Variants in TSKS observed in about 807,000 individuals in gnomAD.
TSKS encodes testis-specific serine kinase substrate.
A neutral mutation model predicts 68.0 loss-of-function variants in TSKS; 27 were observed. The ratio of observed to expected loss-of-function variants is 0.40; its 90% confidence interval spans 0.29 to 0.55. The LOEUF (loss-of-function observed/expected upper bound fraction) is 0.55. TSKS is among the 20% of genes least tolerant of loss of function. The pLI is 0.53. For missense variants in TSKS, 806 were observed against 776.0 expected (o/e 1.04, Z -0.46); for synonymous variants, 331 against 340.4 (o/e 0.97, Z 0.30).
chr19:49,760,559 A>T (rs2123632821), intron 2 of TSKS, among the ~76,000 whole-genome samples: 1 of 149,886 alleles, frequency 6.7e-6, no homozygotes, highest in East Asian at 2.0e-4. Flanking sequence ...CTGGTCTCGA[A>T]CTCCTGACCT....
At position 49,762,065 on chromosome 19, in the gene TSKS, C is replaced by T. The variant is rs752601526; in HGVS notation, c.338G>A (p.Gly113Glu). 10 of 1,614,132 alleles carry T rather than the reference C, an allele frequency of 6.2e-6. No homozygotes were observed. The South Asian group carries it at 7.7e-5, about 12-fold the overall frequency. Residue 113 changes from glycine to glutamate, a missense_variant, in exon 2 of 11, where the codon GGG becomes GAG. By Grantham distance (98) the Gly-to-Glu change is moderately conservative. Coordinates refer to ENST00000246801, the MANE Select transcript of TSKS (RefSeq NM_021733.2). ...EDLSGQLTLA[G>E]PPASPTLPWD... ...GGGTAGGGTAGGGGAGGCAGGGGGCCCAGCCAGTGTGAGTTGGCCGCTGAG... is the reference window on the plus strand; with the variant it reads ...GGGTAGGGTAGGGGAGGCAGGGGGCTCAGCCAGTGTGAGTTGGCCGCTGAG...
Position 49,757,159 on chromosome 19 carries a change from C to T in TSKS, c.399+4845G>A, listed in dbSNP as rs533646084. Among the ~76,000 whole-genome samples, 7 of 152,314 alleles carry T rather than the reference C, an allele frequency of 4.6e-5. No homozygotes were observed. In the South Asian group the frequency reaches 8.3e-4, roughly 18 times the overall value. ...ATTTGCTCTCTCTTCATCTAGGGAA[C>T]GATAGCCTCAATGTCATAAGCAGCC... On this transcript the variant is annotated intron_variant, in intron 2 of 10. Transcript: ENST00000246801.
rs2084289185 is a variant in TSKS at position 49,745,369 on chromosome 19, C to G, written c.1020G>C (p.Arg340=). 1 of 1,582,972 alleles carries G rather than the reference C, an allele frequency of 6.3e-7. No individual in the cohort carries two copies. Among genetic ancestry groups the G allele is most frequent in the Non-Finnish European group, 8.6e-7 (1 of 1,168,832 alleles). The stretch of plus-strand genomic sequence containing the variant: ...GCACCGCCCCCTCCTCCTGATGCCA[C>G]CGGGCGGTCAGTGAGGACACCTCTC... ...LRREVSSLTA[R]WHQEEGAVQE... The change falls in exon 7 of 11, where the codon CGG becomes CGC. Residue 340 remains arginine (R), a synonymous_variant. Coordinates refer to ENST00000246801, the MANE Select transcript of TSKS (RefSeq NM_021733.2).
intron 6 of TSKS, among the ~76,000 whole-genome samples, chr19:49,746,185 A>C (rs913717992): frequency 9.2e-5 from 14 of 152,158 alleles, no homozygotes; most frequent in South Asian, 6.2e-4. Flanking sequence ...CCGCCTCAAA[A>C]AAAACAAAAC....
At chr19:49,743,292 T>C (rs2084267466) in intron 8 of TSKS, among the ~76,000 whole-genome samples, 2 of 151,626 alleles carry the variant, frequency 1.3e-5, no homozygotes, top group Non-Finnish European at 2.9e-5. Flanking sequence ...TTGGCCAGGC[T>C]GGTCTCAAAC....
Position 49,759,382 on chromosome 19 carries a change from T to C in TSKS, c.399+2622A>G, listed in dbSNP as rs569164931. Among the ~76,000 whole-genome samples the C allele has an allele frequency of 3.9e-3, 584 of 147,988 alleles. 4 individuals carry two copies. Among genetic ancestry groups the C allele is most frequent in the African/African-American group, 0.012 (498 of 39,868 alleles). On this transcript the variant is annotated intron_variant, in intron 2 of 10. Transcript: ENST00000246801. ...TACTCGGGAGGCTGAGGCAGAAGAA[T>C]GGCTTGAACCTGGGAGGTGGAGGTT...
chr19:49,740,681 C>G (rs1480265352), intron 9 of TSKS, among the ~76,000 whole-genome samples: 1 of 146,740 alleles, frequency 6.8e-6, no homozygotes, highest in African/African-American at 2.5e-5. Flanking sequence ...GTCAAGAGTT[C>G]GAGACCAGCC....
At chr19:49,744,515 T>C in intron 7 of TSKS, 111 bp from the exon 8 acceptor site, 1 of 1,105,380 alleles carries the variant, frequency 9.0e-7, no homozygotes, top group Non-Finnish European at 1.3e-6. Context: ...TCAGCAATTC[T>C]CCACCCTGCC....
intron 2 of TSKS, among the ~76,000 whole-genome samples, chr19:49,748,751 G>A (rs537778245): frequency 2.6e-3 from 393 of 152,226 alleles, no homozygotes; most frequent in Non-Finnish European, 4.8e-3. Flanking sequence ...AAGAAGGATG[G>A]ACTCAACCAA....
intron 2 of TSKS, 72 bp downstream of exon 2, chr19:49,761,932 C>T (rs976708343): frequency 3.3e-5 from 43 of 1,295,206 alleles, no homozygotes; most frequent in East Asian, 1.4e-4. Context: ...ACCCCACCCC[C>T]GTCCTAAGTA....
rs201791777 is a variant in TSKS at position 49,741,929 on chromosome 19, T to G, written c.1453A>C (p.Thr485Pro). 1.2e-6 allele frequency: 2 copies of G among 1,614,152 alleles called. No homozygotes were observed. The highest frequency in any genetic ancestry group is 4.5e-5 in the East Asian group (2 of 44,892). Residue 485 changes from threonine to proline, a missense_variant, in exon 9 of 11, where the codon ACT (threonine) becomes CCT (proline). Physicochemically the swap from Thr to Pro is conservative, Grantham distance 38. Transcript: ENST00000246801. ...LVDEVKQRGL[T>P]PACPSCQRLH... ...CTCTGACAGCTGGGACAGGCAGGAG[T>G]CAGGCCCCTCTGCTTCACCTCGTCC...
At position 49,744,320 on chromosome 19, in the gene TSKS, G is replaced by A. The variant is rs149069102; in HGVS notation, c.1272C>T (p.Phe424=). 12 of 1,613,912 alleles carry A rather than the reference G, an allele frequency of 7.4e-6. No homozygotes were observed. The highest frequency in any genetic ancestry group is 9.3e-6 in the Non-Finnish European group (11 of 1,180,026). The part of the protein sequence containing the change: ...LGPLKPILEE[F]GRQFQNSRRG... The stretch of plus-strand genomic sequence containing the variant: ...TTCGAGAGTTCTGAAATTGCCGCCC[G>A]AACTCCTCCAGAATGGGTTTCAGTG... Residue 424 remains phenylalanine, a synonymous_variant, in exon 8 of 11, where the codon TTC becomes TTT. Transcript: ENST00000246801.
intron 2 of TSKS, among the ~76,000 whole-genome samples, chr19:49,761,129 G>A (rs914532716): frequency 6.6e-6 from 1 of 151,988 alleles, no homozygotes; most frequent in African/African-American, 2.4e-5. Context: ...AAAAATAAAG[G>A]AACGAATGTA....
chr19:49,748,509 G>T, intron 2 of TSKS, 40 bp from the exon 3 acceptor site: 1 of 1,585,084 alleles, frequency 6.3e-7, no homozygotes, highest in Non-Finnish European at 8.6e-7. Context: ...GTGGGTATGT[G>T]GGGGCAAGCC....
Position 49,744,234 on chromosome 19 carries a change from G to C in TSKS, c.1358C>G (p.Ala453Gly), listed in dbSNP as rs775704032. The change falls in exon 8 of 11, where the codon GCC becomes GGC. Residue 453 changes from alanine to glycine, a missense_variant. Physicochemically the swap from Ala to Gly is moderately conservative, Grantham distance 60 (BLOSUM62 0). Transcript: ENST00000246801. ...GAGGCAAGCCCAGCCCCGTTACCTG[G>C]CACAGCGGGCACAGTTGCCTTGGTG... ...RSHQGNCARC[A>G]SQGSQLSTES... is the part of the protein sequence containing the mutation. 3 of 1,610,916 alleles carry C rather than the reference G, an allele frequency of 1.9e-6. No homozygotes were observed. The Admixed American group carries it at 5.0e-5, about 27-fold the overall frequency.
At chr19:49,747,200 A>G in intron 5 of TSKS, 189 bp downstream of exon 5, 1 of 1,537,104 alleles carries the variant, frequency 6.5e-7, no homozygotes, top group Non-Finnish European at 8.7e-7. Flanking sequence ...GCAGGGCAAG[A>G]GTCCCCCATC....
chr19:49,747,262 A>C (rs974364519), intron 5 of TSKS, 127 bp downstream of exon 5: 1 of 1,578,186 alleles, frequency 6.3e-7, no homozygotes, highest in Non-Finnish European at 8.6e-7. Context: ...TCTAAGGATG[A>C]CTATGTGCAC....
intron 2 of TSKS, among the ~76,000 whole-genome samples, chr19:49,757,780 C>T (rs929318814): frequency 9.3e-5 from 14 of 151,318 alleles, no homozygotes; most frequent in African/African-American, 2.7e-4. Context: ...TCCCCCTCCT[C>T]TATTTCTGGT....
chr19:49,747,132 G>T, intron 5 of TSKS: 1 of 1,531,068 alleles, frequency 6.5e-7, no homozygotes, highest in Non-Finnish European at 8.8e-7. Context: ...ATGTGGACAG[G>T]ACGGGCCTTC....
Sources: allele counts gnomAD v4.1 joint callset (sites outside exome capture counted in the v4.1 genomes callset), GRCh38; gene constraint gnomAD v4.1.1; transcripts MANE v1.5; gene names NCBI Gene and HGNC (gene_info 2026-07-23, HGNC 2026-07-21).